The following ADRA1A variants were observed in gnomAD, a reference collection of about 807,000 sequenced individuals.
The protein encoded by ADRA1A is alpha-1A adrenergic receptor.
In ADRA1A, 31 loss-of-function variants were observed where a neutral mutation model predicts 29.6. The ratio of observed to expected loss-of-function variants is 1.05; its 90% confidence interval spans 0.79 to 1.41. The LOEUF is 1.41. Among genes scored for constraint, ADRA1A ranks in the 40% most tolerant of loss-of-function variants. ADRA1A has a pLI of 0.00. For synonymous variants in ADRA1A, 311 were observed against 254.3 expected (o/e 1.22, Z -2.12); for missense variants, 619 against 601.1 (o/e 1.03, Z -0.31).
chr8:26,830,160 C>T (rs1026338449), intron 2 of ADRA1A, among the ~76,000 whole-genome samples: 1 of 152,210 alleles, frequency 6.6e-6, no homozygotes, highest in Non-Finnish European at 1.5e-5. Context: ...CAGAGCTGAC[C>T]CTGCTTCTCA....
At chr8:26,855,617 A>G (rs530159448) in intron 2 of ADRA1A, among the ~76,000 whole-genome samples, 2 of 152,304 alleles carry the variant, frequency 1.3e-5, no homozygotes, top group African/African-American at 4.8e-5. Flanking sequence ...ATTAGGACAA[A>G]TACCTAATGC....
At chr8:26,755,206 T>C (rs77427348), downstream of ADRA1A, among the ~76,000 whole-genome samples, 16 of 150,622 alleles carry the variant, frequency 1.1e-4, no homozygotes, top group East Asian at 1.2e-3. Flanking sequence ...TTTTTTTTTT[T>C]TCTCTGTTTA....
downstream of ADRA1A, among the ~76,000 whole-genome samples, chr8:26,755,221 T>A (rs959997038): frequency 2.0e-5 from 3 of 150,402 alleles, no homozygotes; most frequent in Admixed American, 2.0e-4. Flanking sequence ...TGTTTAGCCA[T>A]CCCACTGTAA....
intron 2 of ADRA1A, among the ~76,000 whole-genome samples, chr8:26,786,900 G>A (rs1415250650): frequency 6.6e-6 from 1 of 152,010 alleles, no homozygotes; most frequent in African/African-American, 2.4e-5. Flanking sequence ...CTGGTACATT[G>A]TAGTTGTTAA....
chr8:26,791,315 AG>A (rs1361941080), intron 2 of ADRA1A, among the ~76,000 whole-genome samples: 1 of 152,154 alleles, frequency 6.6e-6, no homozygotes, highest in Non-Finnish European at 1.5e-5. Context: ...TATTTTCTTA[AG>A]TTACATTTCT....
downstream of ADRA1A, among the ~76,000 whole-genome samples, chr8:26,765,208 T>C (rs61759723): frequency 2.6e-5 from 4 of 152,190 alleles, no homozygotes. Context: ...TAATCCATGT[T>C]GCAGCAGCAA....
At chr8:26,754,128 A>G (rs1246057619), downstream of ADRA1A, among the ~76,000 whole-genome samples, 1 of 152,186 alleles carries the variant, frequency 6.6e-6, no homozygotes, top group Non-Finnish European at 1.5e-5. Context: ...CGTGTAGAAA[A>G]TTCAGAAACA....
At position 26,865,066 on chromosome 8, in the gene ADRA1A, G is replaced by T. The variant is rs535025799; in HGVS notation, c.-97C>A. Reference sequence around the variant, plus strand: ...CGGGAGCCGGGAATCAAAAGGTCTCGGCTGGAGGGAGCCCTGCCAGGTGGG... The same window carrying T: ...CGGGAGCCGGGAATCAAAAGGTCTCTGCTGGAGGGAGCCCTGCCAGGTGGG... On this transcript the variant is annotated 5_prime_UTR_variant, in exon 2 of 3. Coordinates refer to ENST00000380573, the MANE Select transcript of ADRA1A (RefSeq NM_000680.4). The surrounding 1 kb of genome is among the most constrained non-coding windows in gnomAD (Gnocchi z 7.6). The T allele has an allele frequency of 6.0e-6, 9 of 1,508,854 alleles. No individual in the cohort carries two copies. The highest frequency in any genetic ancestry group is 7.9e-6 in the Non-Finnish European group (9 of 1,139,640). 93.5% of individuals were successfully genotyped at this position (1,508,854 alleles called of 1,614,324 possible).
intron 2 of ADRA1A, among the ~76,000 whole-genome samples, chr8:26,846,250 A>ATAC (rs1354548563): frequency 2.0e-5 from 3 of 152,190 alleles, no homozygotes; most frequent in African/African-American, 4.8e-5. Context: ...AATAATAATA[A>ATAC]TTGATGTCTG....
At chr8:26,852,117 AAACAAC>A (rs923170843) in intron 2 of ADRA1A, among the ~76,000 whole-genome samples, 3 of 152,106 alleles carry the variant, frequency 2.0e-5, no homozygotes, top group African/African-American at 4.8e-5. Flanking sequence ...TCAAATGAAC[AAACAAC>A]AACAACAACA....
intron 2 of ADRA1A, among the ~76,000 whole-genome samples, chr8:26,793,208 T>C (rs530487866): frequency 4.6e-4 from 70 of 152,100 alleles, no homozygotes; most frequent in Non-Finnish European, 6.5e-4. Flanking sequence ...CATAGGTATA[T>C]GTATGTATAT....
chr8:26,842,004 A>G lies in ADRA1A; in HGVS notation c.883+22083T>C, dbSNP rs115992708. ...CATATTCTAACATTCAGCCCTCCTT[A>G]GGAGATGACCCATTCCCTTAGCTTT... On this transcript the variant is annotated intron_variant, in intron 2 of 2. Transcript: ENST00000380573. 4.9e-3 allele frequency among the ~76,000 whole-genome samples: 745 copies of G among 152,154 alleles called. 6 individuals are homozygous for G. Among genetic ancestry groups the G allele is most frequent in the African/African-American group, 0.017 (685 of 41,504 alleles).
chr8:26,758,517 T>C (rs964140424), intron 2 of ADRA1A, among the ~76,000 whole-genome samples: 1 of 152,196 alleles, frequency 6.6e-6, no homozygotes, highest in African/African-American at 2.4e-5. Context: ...ATAAGGCATT[T>C]CATGTACACA....
At chr8:26,801,619 C>T (rs116458347) in intron 2 of ADRA1A, among the ~76,000 whole-genome samples, 2,634 of 152,106 alleles carry the variant, frequency 0.017, 66 homozygotes, top group African/African-American at 0.057. Context: ...TTGAAGAAGA[C>T]ACACAAAAAG....
Position 26,865,206 on chromosome 8 carries a change from G to A in ADRA1A, c.-237C>T. Reference sequence around the variant, plus strand: ...ATTAAAGACATGGCCAGGGGCGCGCGGGGCTGCCGGGGACCCTCTCCACCT... The same window carrying A: ...ATTAAAGACATGGCCAGGGGCGCGCAGGGCTGCCGGGGACCCTCTCCACCT... On this transcript the variant is annotated 5_prime_UTR_variant, in exon 2 of 3. Transcript: ENST00000380573. The surrounding 1 kb of genome is among the most constrained non-coding windows in gnomAD (Gnocchi z 7.6). The A allele has an allele frequency of 7.4e-7, 1 of 1,359,644 alleles. No individual in the cohort carries two copies. The highest frequency in any genetic ancestry group is 9.5e-7 in the Non-Finnish European group (1 of 1,057,818). The allele number at this position is 1,359,644 out of a possible 1,614,324, so 84.2% of individuals were successfully genotyped here. A position where few individuals can be genotyped will look rare whatever the true frequency, so the allele number is the denominator to read the frequency against.
intron 2 of ADRA1A, among the ~76,000 whole-genome samples, chr8:26,811,448 T>C (rs1446790829): frequency 2.6e-5 from 4 of 152,092 alleles, no homozygotes; most frequent in Non-Finnish European, 5.9e-5. Flanking sequence ...CACCTCGGCC[T>C]CCCAAAGTGC....
At chr8:26,836,948 A>T (rs1811415597) in intron 2 of ADRA1A, among the ~76,000 whole-genome samples, 3 of 152,190 alleles carry the variant, frequency 2.0e-5, no homozygotes, top group African/African-American at 7.2e-5. Flanking sequence ...CGACCAGCCC[A>T]GGAAGGCAGC....
chr8:26,864,797 T>C lies in ADRA1A; in HGVS notation c.173A>G (p.His58Arg). The change falls in exon 2 of 3, where the codon CAC (histidine) becomes CGC (arginine). Residue 58 changes from histidine (H) to arginine (R), a missense_variant. His to Arg is a conservative substitution (Grantham distance 29). Coordinates refer to ENST00000380573, the MANE Select transcript of ADRA1A (RefSeq NM_000680.4). This position sits in a 1 kb window ranked among gnomAD's most constrained non-coding sequence, Gnocchi z 8.1. ...ILSVACHRHLHSVTHYYIVNL... is the reference protein window; with the variant it reads ...ILSVACHRHLRSVTHYYIVNL... Reference sequence around the variant, plus strand: ...GACGATGTAGTAGTGCGTGACTGAGTGCAGGTGTCGGTGACAGGCTACGGA... The same window carrying C: ...GACGATGTAGTAGTGCGTGACTGAGCGCAGGTGTCGGTGACAGGCTACGGA... 6.2e-7 allele frequency: 1 copy of C among 1,613,970 alleles called. No individual in the cohort carries two copies. The highest frequency in any genetic ancestry group is 8.5e-7 in the Non-Finnish European group (1 of 1,179,978).
chr8:26,786,893 G>C (rs1415871152), intron 2 of ADRA1A, among the ~76,000 whole-genome samples: 2 of 130,454 alleles, frequency 1.5e-5, no homozygotes, highest in African/African-American at 3.1e-5. Context: ...TTTGTGCCTG[G>C]TACATTGTAG....
Sources: gnomAD v4.1 joint callset for allele counts (sites outside exome capture counted in the v4.1 genomes callset) on GRCh38, gnomAD v4.1.1 for gene constraint, Gnocchi (gnomAD v3.1) non-coding constraint, MANE v1.5 for transcripts, NCBI Gene and HGNC (gene_info 2026-07-23, HGNC 2026-07-21) for gene names.